Variants in ZNF786 observed in about 807,000 individuals in gnomAD.
ZNF786 encodes zinc finger protein 786.
In ZNF786, 56 loss-of-function variants were observed where a neutral mutation model predicts 63.1. The observed-to-expected ratio is 0.89, with a 90% CI of 0.72 to 1.11. The LOEUF (loss-of-function observed/expected upper bound fraction) is 1.11. ZNF786 is among the 50% of genes least tolerant of loss of function. The pLI, the probability that ZNF786 is intolerant of heterozygous loss-of-function variation, is 0.00. For synonymous variants in ZNF786, 485 were observed against 406.9 expected (o/e 1.19, Z -2.31); for missense variants, 1,213 against 1,041.8 (o/e 1.16, Z -2.26).
intron 3 of ZNF786, among the ~76,000 whole-genome samples, chr7:149,073,759 A>ATATATATATATATG (rs1825487661): frequency 2.1e-5 from 2 of 93,640 alleles, no homozygotes; most frequent in African/African-American, 4.0e-5. Flanking sequence ...ATATATATAT[A>ATATATATATATATG]TATATATATA....
intron 1 of ZNF786, among the ~76,000 whole-genome samples, chr7:149,090,305 C>G (rs144097056): frequency 6.6e-6 from 1 of 152,242 alleles, no homozygotes; most frequent in Non-Finnish European, 1.5e-5. Context: ...CCACCTCTGG[C>G]CCCAAACCTT....
chr7:149,090,688 G>T lies in ZNF786; in HGVS notation c.-48C>A. On this transcript the variant is annotated 5_prime_UTR_variant, in exon 1 of 4. Transcript: ENST00000491431. The stretch of plus-strand genomic sequence containing the variant: ...CCTGGCAAACCCGACCGTCTCCGGC[G>T]GCTCCGCAGGAACCTGCCCTGCTGC... The T allele has an allele frequency of 1.3e-6, 2 of 1,561,320 alleles. No individual in the cohort carries two copies. Among genetic ancestry groups the T allele is most frequent in the Non-Finnish European group, 1.7e-6 (2 of 1,152,340 alleles).
rs1173629168 is a variant in ZNF786 at position 149,072,133 on chromosome 7, C to G, written c.639G>C (p.Arg213=). 6.2e-7 allele frequency: 1 copy of G among 1,613,190 alleles called. No individual in the cohort carries two copies. The highest frequency in any genetic ancestry group is 1.1e-5 in the South Asian group (1 of 90,952). The change falls in exon 4 of 4, where the codon CGG becomes CGC. Residue 213 remains arginine, a synonymous_variant. Transcript: ENST00000491431. ...VMHQRGHSKD[R]TRRAWEKFNK... is the part of the protein sequence containing the mutation. ...TGAATTTCTCCCAGGCCCTACGTGT[C>G]CGGTCCTTTGAGTGGCCTCTCTGGT...
chr7:149,089,073 G>A (rs909977788), intron 1 of ZNF786, among the ~76,000 whole-genome samples: 3 of 146,296 alleles, frequency 2.1e-5, no homozygotes, highest in African/African-American at 7.6e-5. Context: ...TCAGCCTCCC[G>A]AGCAGCTGGG....
At position 149,071,779 on chromosome 7, in the gene ZNF786, C is replaced by T; in HGVS notation, c.993G>A (p.Gly331=). 1.9e-6 allele frequency: 3 copies of T among 1,581,096 alleles called. No individual in the cohort carries two copies. The highest frequency in any genetic ancestry group is 1.7e-6 in the Non-Finnish European group (2 of 1,168,916). The change falls in exon 4 of 4, where the codon GGG becomes GGA. Residue 331 remains glycine, a synonymous_variant. Transcript: ENST00000491431. ...EGPASWREGR[G]ASSSVHSGQK... Reference sequence around the variant, plus strand: ...GTCCCGAGTGCACACTGCTGGAGGCCCCGCGGCCTTCTCTCCAAGAGGCCG... The same window carrying T: ...GTCCCGAGTGCACACTGCTGGAGGCTCCGCGGCCTTCTCTCCAAGAGGCCG...
chr7:149,090,534 C>A (rs892908020), intron 1 of ZNF786, 89 bp downstream of exon 1: 45 of 1,370,034 alleles, frequency 3.3e-5, no homozygotes, highest in Non-Finnish European at 4.3e-5. Context: ...CGCGCGCACT[C>A]ACGGGGACCC....
intron 3 of ZNF786, among the ~76,000 whole-genome samples, chr7:149,073,752 T>G: frequency 1.6e-5 from 1 of 61,134 alleles, no homozygotes; most frequent in Non-Finnish European, 3.0e-5. Flanking sequence ...TGTGTGTATA[T>G]ATATATATAT....
At position 149,074,497 on chromosome 7, in the gene ZNF786, G is replaced by A. The variant is rs565560330; in HGVS notation, c.187C>T (p.His63Tyr). ...CATTTCCTGAAGGGCTCTCCCCCGTGTTCAATCCAGGATATTAGTTCTGGT... is the reference window on the plus strand; with the variant it reads ...CATTTCCTGAAGGGCTCTCCCCCGTATTCAATCCAGGATATTAGTTCTGGT... ...PKPELISWIE[H>Y]GGEPFRKWRE... Residue 63 changes from histidine (H) to tyrosine (Y), a missense_variant, in exon 3 of 4, where the codon CAC becomes TAC. Transcript: ENST00000491431. 43 of 1,613,776 alleles carry A rather than the reference G, an allele frequency of 2.7e-5. No individual in the cohort carries two copies. Among genetic ancestry groups the A allele is most frequent in the Non-Finnish European group, 3.6e-5 (42 of 1,179,884 alleles).
chr7:149,074,280 G>A, intron 3 of ZNF786, 106 bp downstream of exon 3: 1 of 1,286,846 alleles, frequency 7.8e-7, no homozygotes, highest in Non-Finnish European at 1.1e-6. Flanking sequence ...TAGAAGATAA[G>A]AGTCTTCAAA....
At chr7:149,073,704 C>T (rs10244442) in intron 3 of ZNF786, among the ~76,000 whole-genome samples, 7,780 of 126,208 alleles carry the variant, frequency 0.062, 667 homozygotes, top group African/African-American at 0.19. Context: ...TGTATATACA[C>T]GTGTGTGTGT....
At chr7:149,075,121 G>A (rs1825521206) in intron 2 of ZNF786, among the ~76,000 whole-genome samples, 1 of 152,132 alleles carries the variant, frequency 6.6e-6, no homozygotes, top group African/African-American at 2.4e-5. Flanking sequence ...AAACCACTGC[G>A]CCCAGCCTTC....
chr7:149,080,864 T>C, intron 1 of ZNF786, 147 bp from the exon 2 acceptor site: 1 of 871,720 alleles, frequency 1.1e-6, no homozygotes, highest in Non-Finnish European at 1.7e-6. Flanking sequence ...CTCCTTCCTC[T>C]ACTCCAATTA....
intron 3 of ZNF786, 42 bp downstream of exon 3, chr7:149,074,344 C>A: frequency 1.2e-6 from 2 of 1,604,998 alleles, no homozygotes; most frequent in Non-Finnish European, 1.7e-6. Flanking sequence ...CAAATCTGAA[C>A]ATGATGTCTC....
intron 1 of ZNF786, among the ~76,000 whole-genome samples, chr7:149,083,054 C>A (rs1047866894): frequency 1.3e-5 from 2 of 151,996 alleles, no homozygotes; most frequent in African/African-American, 2.4e-5. Flanking sequence ...CGCCACCACA[C>A]TGGGCTAATT....
Position 149,070,138 on chromosome 7 carries a change from T to C in ZNF786, c.*285A>G. ...ATAAAATTATGTCCTTGTTTTATAA[T>C]GCTGTCTTTTCCAATATAGCTGGGA... On this transcript the variant is annotated 3_prime_UTR_variant, in exon 4 of 4. Transcript: ENST00000491431. The C allele has an allele frequency of 3.9e-6, 1 of 256,200 alleles. No individual in the cohort carries two copies. The allele number at this position is 256,200 out of a possible 1,614,324, so 15.9% of individuals were successfully genotyped here. A position where few individuals can be genotyped will look rare whatever the true frequency, so the allele number is the denominator to read the frequency against.
chr7:149,081,251 C>T (rs546813876), intron 1 of ZNF786: 3 of 440,428 alleles, frequency 6.8e-6, no homozygotes, highest in South Asian at 4.8e-5. Flanking sequence ...GCCTGACCAA[C>T]GTGGTGAAAC....
At position 149,078,643 on chromosome 7, in the gene ZNF786, C is replaced by T. The variant is rs553369358; in HGVS notation, c.145+1948G>A. On this transcript the variant is annotated intron_variant, in intron 2 of 3. Transcript: ENST00000491431. ...AGGCTGCGGTGAGCCGACATGGTGC[C>T]ATTGCACTCCAGCCTGGGCAACAAG... Among the ~76,000 whole-genome samples, 122 of 151,914 alleles carry T rather than the reference C, an allele frequency of 8.0e-4. 1 individual carries two copies. Among genetic ancestry groups the T allele is most frequent in the Non-Finnish European group, 1.5e-3 (101 of 67,972 alleles).
Position 149,071,686 on chromosome 7 carries a change from C to G in ZNF786, c.1086G>C (p.Gln362His), listed in dbSNP as rs763588623. The change falls in exon 4 of 4, where the codon CAG (glutamine) becomes CAC (histidine). Residue 362 changes from glutamine (Q) to histidine (H), a missense_variant. Gln to His is a conservative substitution (Grantham distance 24). Transcript: ENST00000491431. ...AGGAGCAGGGCCCCTCTGCGCCATG[C>G]TGCAGCGCCTCCGTGTCCCCTTCCT... ...SHQEGDTEAL[Q>H]HGAEGPCSCS... 2.2e-5 allele frequency: 34 copies of G among 1,567,768 alleles called. No homozygotes were observed. Among genetic ancestry groups the G allele is most frequent in the Non-Finnish European group, 2.9e-5 (34 of 1,163,882 alleles).
intron 2 of ZNF786, among the ~76,000 whole-genome samples, chr7:149,077,305 G>C (rs898533562): frequency 1.3e-5 from 2 of 152,304 alleles, no homozygotes; most frequent in Admixed American, 1.3e-4. Flanking sequence ...ACAGAAGGCA[G>C]AAAGATCCAT....
Sources: gnomAD v4.1 joint callset for allele counts (sites outside exome capture counted in the v4.1 genomes callset) on GRCh38, gnomAD v4.1.1 for gene constraint, MANE v1.5 for transcripts, NCBI Gene and HGNC (gene_info 2026-07-23, HGNC 2026-07-21) for gene names.